The following SMAP1 variants were observed in gnomAD, a reference collection of about 807,000 sequenced individuals.
SMAP1 encodes the protein small ArfGAP 1.
A neutral mutation model predicts 58.5 loss-of-function variants in SMAP1; 24 were observed. That is an observed-to-expected ratio of 0.41 (90% CI 0.30 to 0.58). The LOEUF is 0.58. Among genes scored for constraint, SMAP1 ranks in the 20% least tolerant of loss-of-function variants. The probability of loss-of-function intolerance (pLI) is 0.29; values close to 1 mark genes in which losing one functional copy is unlikely to be tolerated. For missense variants in SMAP1, 563 were observed against 566.3 expected, an observed-to-expected ratio of 0.99 and a Z score of 0.06; for synonymous variants, 216 against 196.6, an observed-to-expected ratio of 1.10 and a Z score of -0.82.
intron 1 of SMAP1, among the ~76,000 whole-genome samples, chr6:70,729,483 G>GTGTGTGTGTGTGTGTGTA (rs1382253034): frequency 6.6e-6 from 1 of 150,922 alleles, no homozygotes; most frequent in African/African-American, 2.4e-5. Flanking sequence ...GTGTGTGTGT[G>GTGTGTGTGTGTGTGTGTA]TGTGTGTGTG....
At chr6:70,785,595 C>T (rs577000158) in intron 4 of SMAP1, among the ~76,000 whole-genome samples, 39 of 152,028 alleles carry the variant, frequency 2.6e-4, no homozygotes, top group African/African-American at 4.1e-4. Context: ...ATCAAATAGA[C>T]GCAATAAAAA....
In SMAP1 at chr6:70,831,217, C is replaced by A. The variant is rs371397841; in HGVS notation, c.577-5724C>A. 2.4e-4 allele frequency among the ~76,000 whole-genome samples: 37 copies of A among 152,194 alleles called. No homozygotes were observed. The South Asian group carries it at 7.1e-3, about 29-fold the overall frequency. ...AATATGGCAATATTAGGCATCCTAG[C>A]AGTGGTCATGATATAATGATTGGAA... On this transcript the variant is annotated intron_variant, in intron 6 of 10. Transcript: ENST00000370455.
At chr6:70,770,647 C>A (rs941114479) in intron 3 of SMAP1, among the ~76,000 whole-genome samples, 2 of 152,152 alleles carry the variant, frequency 1.3e-5, no homozygotes, top group South Asian at 2.1e-4. Flanking sequence ...GTTCTACATT[C>A]GTCTGAATTT....
chr6:70,787,153 A>T (rs1181999003), intron 4 of SMAP1, among the ~76,000 whole-genome samples: 3 of 152,206 alleles, frequency 2.0e-5, no homozygotes, highest in Non-Finnish European at 4.4e-5. Flanking sequence ...CCGCATATCT[A>T]CAACTATCTG....
intron 7 of SMAP1, among the ~76,000 whole-genome samples, chr6:70,849,077 T>C (rs1331742099): frequency 1.3e-5 from 2 of 152,194 alleles, no homozygotes; most frequent in African/African-American, 4.8e-5. Flanking sequence ...ATGTTGCAGA[T>C]GGTGAGAGCA....
intron 7 of SMAP1, among the ~76,000 whole-genome samples, chr6:70,843,775 A>G (rs1311664624): frequency 6.6e-6 from 1 of 152,190 alleles, no homozygotes; most frequent in African/African-American, 2.4e-5. Context: ...GGAAATGGAA[A>G]TAGGAACTCT....
chr6:70,831,068 T>G (rs1331115360), intron 6 of SMAP1, among the ~76,000 whole-genome samples: 2 of 152,218 alleles, frequency 1.3e-5, no homozygotes, highest in Non-Finnish European at 2.9e-5. Context: ...TTTGAAATGC[T>G]GGATTCTTCA....
Position 70,789,775 on chromosome 6 carries a change from A to G in SMAP1, c.415-1914A>G, listed in dbSNP as rs1159552604. On this transcript the variant is annotated intron_variant, in intron 4 of 10. Coordinates refer to ENST00000370455, the MANE Select transcript of SMAP1 (RefSeq NM_001044305.3). ...GGTTACTGAAATGAAAAAGGTTTTT[A>G]CTTGAGTCCAGGATTCAAGGTTTTA... 1.1e-4 allele frequency among the ~76,000 whole-genome samples: 16 copies of G among 147,888 alleles called. No individual in the cohort carries two copies. The Admixed American group carries it at 1.1e-3, about 10-fold the overall frequency.
intron 2 of SMAP1, among the ~76,000 whole-genome samples, chr6:70,747,206 T>C (rs1027033305): frequency 1.3e-5 from 2 of 152,164 alleles, no homozygotes; most frequent in Non-Finnish European, 1.5e-5. Flanking sequence ...TTAAAAAATA[T>C]TGTATTATCT....
chr6:70,804,461 C>G (rs971480545), intron 6 of SMAP1, among the ~76,000 whole-genome samples: 1 of 151,996 alleles, frequency 6.6e-6, no homozygotes, highest in Non-Finnish European at 1.5e-5. Flanking sequence ...GTTTGCCAGT[C>G]TGTGTCTTTT....
At chr6:70,822,303 ATAT>A (rs1769924007) in intron 6 of SMAP1, among the ~76,000 whole-genome samples, 1 of 152,162 alleles carries the variant, frequency 6.6e-6, no homozygotes, top group Non-Finnish European at 1.5e-5. Flanking sequence ...CTCTTTAAAT[ATAT>A]TATTTCGTAG....
At chr6:70,771,401 C>A (rs556482213) in intron 3 of SMAP1, among the ~76,000 whole-genome samples, 11 of 152,380 alleles carry the variant, frequency 7.2e-5, no homozygotes, top group Admixed American at 5.9e-4. Flanking sequence ...TGGTGGGCTC[C>A]ACCCAGTTGG....
chr6:70,710,541 G>A (rs1268995879), intron 1 of SMAP1, among the ~76,000 whole-genome samples: 1 of 150,324 alleles, frequency 6.7e-6, no homozygotes, highest in African/African-American at 2.4e-5. Flanking sequence ...CACATATAGG[G>A]CACTTACCAT....
At chr6:70,687,714 A>T (rs1766991241) in intron 1 of SMAP1, among the ~76,000 whole-genome samples, 1 of 152,232 alleles carries the variant, frequency 6.6e-6, no homozygotes, top group African/African-American at 2.4e-5. Context: ...TAATGGTAAC[A>T]TCTTGTAAAA....
intron 1 of SMAP1, among the ~76,000 whole-genome samples, chr6:70,725,678 C>T (rs142092296): frequency 1.3e-5 from 2 of 152,306 alleles, no homozygotes; most frequent in East Asian, 1.9e-4. Flanking sequence ...CAAGAATTAA[C>T]GTTTACATCT....
intron 7 of SMAP1, among the ~76,000 whole-genome samples, chr6:70,852,044 T>C (rs1227400516): frequency 6.6e-6 from 1 of 152,150 alleles, no homozygotes; most frequent in African/African-American, 2.4e-5. Context: ...AAAAATGATA[T>C]TATCTCCAAA....
rs1241140089 is a variant in SMAP1, at chr6:70,861,911, C to T, written c.*1577C>T. 3 of 1,613,674 alleles carry T rather than the reference C, an allele frequency of 1.9e-6. No homozygotes were observed. Among genetic ancestry groups the T allele is most frequent in the Non-Finnish European group, 2.5e-6 (3 of 1,179,940 alleles). On this transcript the variant is annotated 3_prime_UTR_variant, in exon 11 of 11. Transcript: ENST00000370455. ...GAAAGTCAGATTCTTGCATCCCTGGCTGGGATCCACGACGCTTAAATACAG... is the reference window on the plus strand; with the variant it reads ...GAAAGTCAGATTCTTGCATCCCTGGTTGGGATCCACGACGCTTAAATACAG...
In SMAP1 at chr6:70,861,438, A is replaced by G; in HGVS notation, c.*1104A>G. ...CTTCCAATTTAGTTGTTGTAGAGAA[A>G]ACATGCAGAACAAATGAAGACAAAA... On this transcript the variant is annotated 3_prime_UTR_variant, in exon 11 of 11. Coordinates refer to ENST00000370455, the MANE Select transcript of SMAP1 (RefSeq NM_001044305.3). 1 of 528,152 alleles carries G rather than the reference A, an allele frequency of 1.9e-6. No individual in the cohort carries two copies. The highest frequency in any genetic ancestry group is 3.1e-5 in the East Asian group (1 of 32,274). The allele number at this position is 528,152 out of a possible 1,614,324, so 32.7% of individuals were successfully genotyped here. A position where few individuals can be genotyped will look rare whatever the true frequency, so the allele number is the denominator to read the frequency against.
chr6:70,809,849 G>C (rs1769310521), intron 6 of SMAP1, among the ~76,000 whole-genome samples: 1 of 152,090 alleles, frequency 6.6e-6, no homozygotes, highest in Non-Finnish European at 1.5e-5. Flanking sequence ...GTTTGATGAT[G>C]ATCTTTTGTT....
Sources: gnomAD v4.1 joint callset for allele counts (sites outside exome capture counted in the v4.1 genomes callset) on GRCh38, gnomAD v4.1.1 for gene constraint, MANE v1.5 for transcripts, NCBI Gene and HGNC (gene_info 2026-07-23, HGNC 2026-07-21) for gene names.